The following CPXM2 variants were observed in gnomAD, a reference collection of about 807,000 sequenced individuals.
CPXM2 encodes inactive carboxypeptidase-like protein X2.
Under a neutral mutation model 86.1 loss-of-function variants are expected in CPXM2, and 66 were observed. The ratio of observed to expected loss-of-function variants is 0.77; its 90% CI spans 0.63 to 0.94. The LOEUF is 0.94. Among genes scored for constraint, CPXM2 ranks in the 40% least tolerant of loss-of-function variants. The pLI is 0.00. For missense variants in CPXM2, 948 were observed against 1,026.3 expected (o/e 0.92, Z 1.04); for synonymous variants, 388 against 400.2 (o/e 0.97, Z 0.36).
Position 123,746,814 on chromosome 10 carries a change from G to A in CPXM2, c.2221C>T (p.Pro741Ser). 1 of 1,614,170 alleles carries A rather than the reference G, an allele frequency of 6.2e-7. No individual in the cohort carries two copies. Among genetic ancestry groups the A allele is most frequent in the East Asian group, 2.2e-5 (1 of 44,880 alleles). ...CCCCGCAGCTTCAGCCGCCTGGCTG[G>A]CAGGCTGACGGGCTGCTTCCCAAAC... ...EKFGKQPVSLPARRLKLRGQK... is the reference protein window; with the variant it reads ...EKFGKQPVSLSARRLKLRGQK... Residue 741 changes from proline (P) to serine (S), a missense_variant, in exon 14 of 14, where the codon CCA becomes TCA. By Grantham distance (74) the Pro-to-Ser change is moderately conservative (BLOSUM62 -1). Transcript: ENST00000241305.
In CPXM2 at chr10:123,909,153, G is replaced by A. The variant is rs7909052; in HGVS notation, n.175-28844C>T. 1.2e-3 allele frequency among the ~76,000 whole-genome samples: 184 copies of A among 152,254 alleles called. 1 individual carries two copies. The highest frequency in any genetic ancestry group is 4.1e-3 in the African/African-American group (172 of 41,532). On this transcript the variant is annotated intron_variant and non_coding_transcript_variant, in intron 2 of 19. Transcript: ENST00000368854. ...CTCAGGCATAGCGGATCCCACACAA[G>A]ACAGTATAAGAGCAGGATTCGTGTA...
At chr10:123,941,575 G>A (rs557186114), upstream of CPXM2, among the ~76,000 whole-genome samples, 22 of 152,350 alleles carry the variant, frequency 1.4e-4, no homozygotes, top group African/African-American at 5.1e-4. Context: ...GGTTAGGATC[G>A]CAACATACAT....
chr10:123,770,793 A>T (rs1846608852), intron 8 of CPXM2, 123 bp downstream of exon 8: 2 of 1,011,672 alleles, frequency 2.0e-6, no homozygotes, highest in Non-Finnish European at 2.9e-6. Flanking sequence ...TACGTGAGAC[A>T]GCAGTGGTGT....
intron 4 of CPXM2, among the ~76,000 whole-genome samples, chr10:123,815,208 G>A (rs1048593728): frequency 6.6e-6 from 1 of 152,130 alleles, no homozygotes; most frequent in Non-Finnish European, 1.5e-5. Flanking sequence ...AGAAAATGAT[G>A]AACTCAGGGA....
At chr10:123,830,396 T>C (rs1848139076) in intron 4 of CPXM2, among the ~76,000 whole-genome samples, 8 of 152,190 alleles carry the variant, frequency 5.3e-5, no homozygotes, top group Admixed American at 5.2e-4. Flanking sequence ...GCAGCCATCA[T>C]CAGCTACAGC....
chr10:123,864,247 C>G (rs946570834), intron 2 of CPXM2, among the ~76,000 whole-genome samples: 1 of 152,048 alleles, frequency 6.6e-6, no homozygotes, highest in South Asian at 2.1e-4. Flanking sequence ...CGAGAGACCC[C>G]ACCCACTGAG....
At chr10:123,765,719 C>T (rs777919340) in intron 10 of CPXM2, among the ~76,000 whole-genome samples, 27 of 152,320 alleles carry the variant, frequency 1.8e-4, no homozygotes, top group Middle Eastern at 6.8e-3. Flanking sequence ...GCATTGCCGC[C>T]GTCTGTCTTC....
chr10:123,933,379 T>C lies in CPXM2; in HGVS notation n.174+6098A>G, dbSNP rs867926804. 5.9e-5 allele frequency among the ~76,000 whole-genome samples: 9 copies of C among 152,086 alleles called. 1 individual carries two copies. Among genetic ancestry groups the C allele is most frequent in the Admixed American group, 2.0e-4 (3 of 15,278 alleles). ...CAAGATGGATGAGCTATTAGAGGAATCAAGAAGAAAACCAAAAAAATGATG... is the reference window on the plus strand; with the variant it reads ...CAAGATGGATGAGCTATTAGAGGAACCAAGAAGAAAACCAAAAAAATGATG... On this transcript the variant is annotated intron_variant and non_coding_transcript_variant, in intron 2 of 19. Coordinates refer to the CPXM2 transcript ENST00000368854.
At chr10:123,842,874 T>C (rs916627781) in intron 3 of CPXM2, among the ~76,000 whole-genome samples, 1 of 152,186 alleles carries the variant, frequency 6.6e-6, no homozygotes, top group Non-Finnish European at 1.5e-5. Context: ...GGAAGAAAGA[T>C]GTGAAAATAG....
At chr10:123,763,649 C>T (rs1207513259) in intron 10 of CPXM2, among the ~76,000 whole-genome samples, 1 of 151,820 alleles carries the variant, frequency 6.6e-6, no homozygotes, top group Non-Finnish European at 1.5e-5. Context: ...CAGATTCATC[C>T]TATTGTTGAA....
Position 123,891,286 on chromosome 10 carries a change from G to T in CPXM2, c.304+70C>A. On this transcript the variant is annotated intron_variant, in intron 1 of 13. Transcript: ENST00000241305. The surrounding 1 kb of genome is among the most constrained non-coding windows in gnomAD (Gnocchi z 5.6). ...ATCCCAGACACACACAATGGGAGAA[G>T]CCAGTTGTCCCCTGGAGGCGCGCAA... The T allele has an allele frequency of 7.8e-7, 1 of 1,277,530 alleles. No homozygotes were observed. Among genetic ancestry groups the T allele is most frequent in the Non-Finnish European group, 1.1e-6 (1 of 946,500 alleles). 79.1% of individuals were successfully genotyped at this position (1,277,530 alleles called of 1,614,324 possible).
Position 123,798,037 on chromosome 10 carries a change from C to G in CPXM2, c.828G>C (p.Gln276His). ...MVARYIRINPQSWFDNGSICM... is the reference protein window; with the variant it reads ...MVARYIRINPHSWFDNGSICM... ...AGATGCTCCCATTATCAAACCAGGA[C>G]TGAGGGTTTATGCGGATGTAGCGGG... is the stretch of plus-strand genomic sequence containing the variant. The change falls in exon 6 of 14, where the codon CAG (glutamine) becomes CAC (histidine). Residue 276 changes from glutamine to histidine, a missense_variant. Gln to His is a conservative substitution (Grantham distance 24). Coordinates refer to ENST00000241305, the MANE Select transcript of CPXM2 (RefSeq NM_198148.3). The G allele has an allele frequency of 6.2e-7, 1 of 1,611,678 alleles. No individual in the cohort carries two copies. The highest frequency in any genetic ancestry group is 8.5e-7 in the Non-Finnish European group (1 of 1,178,790).
At chr10:123,762,552 A>G (rs1455848046) in intron 10 of CPXM2, among the ~76,000 whole-genome samples, 1 of 152,198 alleles carries the variant, frequency 6.6e-6, no homozygotes, top group Non-Finnish European at 1.5e-5. Context: ...AGGAAATGCT[A>G]TGATGCCTGG....
At chr10:123,784,012 T>C (rs555221789) in intron 6 of CPXM2, among the ~76,000 whole-genome samples, 3 of 152,336 alleles carry the variant, frequency 2.0e-5, no homozygotes, top group Non-Finnish European at 4.4e-5. Context: ...TCCTGCCCTG[T>C]TATGGTCTGA....
intron 2 of CPXM2, among the ~76,000 whole-genome samples, chr10:123,916,172 G>T (rs1945532346): frequency 1.3e-5 from 2 of 152,158 alleles, no homozygotes; most frequent in South Asian, 2.1e-4. Flanking sequence ...CCAGCCCTAG[G>T]AGCATTATGT....
intron 2 of CPXM2, among the ~76,000 whole-genome samples, chr10:123,863,925 GTAT>G (rs1848918898): frequency 6.6e-6 from 1 of 152,176 alleles, no homozygotes; most frequent in Non-Finnish European, 1.5e-5. Context: ...GCGGTCACTG[GTAT>G]CCACCAGAGG....
intron 13 of CPXM2, chr10:123,750,529 A>G (rs1051165183): frequency 1.0e-6 from 1 of 985,174 alleles, no homozygotes; most frequent in Non-Finnish European, 1.2e-6. Context: ...CTATTTGTAA[A>G]TATCACTTAA....
At position 123,838,124 on chromosome 10, in the gene CPXM2, G is replaced by T. The variant is rs116256993; in HGVS notation, c.653+4225C>A. 5.7e-3 allele frequency among the ~76,000 whole-genome samples: 868 copies of T among 152,316 alleles called. 11 individuals are homozygous for T. Among genetic ancestry groups the T allele is most frequent in the African/African-American group, 0.02 (821 of 41,570 alleles). ...ATAGGAATGAATTAGTAGACATCCA[G>T]AGAGCATCAGAAACAAATAAGATTA... is the stretch of plus-strand genomic sequence containing the variant. On this transcript the variant is annotated intron_variant, in intron 4 of 13. Coordinates refer to ENST00000241305, the MANE Select transcript of CPXM2 (RefSeq NM_198148.3).
At chr10:123,874,351 C>T (rs1944943614) in intron 2 of CPXM2, among the ~76,000 whole-genome samples, 1 of 151,818 alleles carries the variant, frequency 6.6e-6, no homozygotes, top group African/African-American at 2.4e-5. Context: ...ATTCCACCCT[C>T]GTGATCTAAT....
Sources: gnomAD v4.1 joint callset for allele counts (sites outside exome capture counted in the v4.1 genomes callset) on GRCh38, gnomAD v4.1.1 for gene constraint, Gnocchi (gnomAD v3.1) non-coding constraint, MANE v1.5 for transcripts, NCBI Gene and HGNC (gene_info 2026-07-23, HGNC 2026-07-21) for gene names.